The following CACNG4 variants were observed in gnomAD, a reference collection of about 807,000 sequenced individuals.
CACNG4 encodes the protein voltage-dependent calcium channel gamma-4 subunit.
CACNG4 carries 8 observed loss-of-function variants against 22.9 expected under a neutral mutation model. That is an observed-to-expected ratio of 0.35 (90% CI 0.21 to 0.63). CACNG4 has a LOEUF of 0.63. CACNG4 is among the 30% of genes least tolerant of loss of function. The pLI, the probability that CACNG4 is intolerant of heterozygous loss-of-function variation, is 0.72. For missense variants in CACNG4, 357 were observed against 455.4 expected (o/e 0.78, Z 1.97); for synonymous variants, 188 against 191.9 (o/e 0.98, Z 0.17).
At chr17:66,990,037 G>A (rs2035329469) in intron 1 of CACNG4, among the ~76,000 whole-genome samples, 1 of 152,198 alleles carries the variant, frequency 6.6e-6, no homozygotes, top group Admixed American at 6.5e-5. Context: ...AAACAACACA[G>A]ATTTATTATC....
In CACNG4 at chr17:67,031,230, A is replaced by AG. The variant is rs1479120508; in HGVS notation, c.*229dup. 5.1e-5 allele frequency: 33 copies of AG among 647,386 alleles called. No individual in the cohort carries two copies. Among genetic ancestry groups the AG allele is most frequent in the African/African-American group, 4.5e-4 (25 of 55,358 alleles). 40.1% of individuals were successfully genotyped at this position (647,386 alleles called of 1,614,324 possible). A position where few individuals can be genotyped will look rare whatever the true frequency, so the allele number is the denominator to read the frequency against. ...GCTGACTTTGTCCCCTCCCCGAAAA[A>AG]GGGTGTTTTGATGCCTCAGGGTCTC... On this transcript the variant is annotated 3_prime_UTR_variant, in exon 4 of 4. Transcript: ENST00000262138. This position sits in a 1 kb window ranked among gnomAD's most constrained non-coding sequence, Gnocchi z 4.0.
intron 1 of CACNG4, among the ~76,000 whole-genome samples, chr17:67,010,998 C>G (rs1376149873): frequency 6.6e-6 from 1 of 152,222 alleles, no homozygotes; most frequent in East Asian, 1.9e-4. Context: ...TCACAGCATA[C>G]AGTCCAGGGA....
chr17:66,981,662 G>A (rs952260767), intron 1 of CACNG4, among the ~76,000 whole-genome samples: 3 of 152,244 alleles, frequency 2.0e-5, no homozygotes, highest in African/African-American at 4.8e-5. Flanking sequence ...AGGCGAGCCC[G>A]GCAAGGTCCC....
chr17:67,020,002 C>A, intron 2 of CACNG4: 1 of 152,402 alleles, frequency 6.6e-6, no homozygotes, highest in Non-Finnish European at 1.5e-5. Flanking sequence ...CCCACAAGGG[C>A]TGGAGAGCAC....
intron 1 of CACNG4, among the ~76,000 whole-genome samples, chr17:67,014,280 T>C (rs931200875): frequency 8.5e-5 from 13 of 152,226 alleles, no homozygotes; most frequent in Admixed American, 6.5e-5. Context: ...TCTTTCTTAC[T>C]CCTTGCATCA....
At chr17:67,004,007 C>G (rs1223652271) in intron 1 of CACNG4, among the ~76,000 whole-genome samples, 1 of 152,218 alleles carries the variant, frequency 6.6e-6, no homozygotes, top group Non-Finnish European at 1.5e-5. Flanking sequence ...AATTAAAACT[C>G]TCAGGTTATT....
chr17:67,008,235 G>A (rs1014584362), intron 1 of CACNG4, among the ~76,000 whole-genome samples: 2 of 152,198 alleles, frequency 1.3e-5, no homozygotes, highest in Non-Finnish European at 2.9e-5. Flanking sequence ...GAGAAAGCCT[G>A]AACCAGCCCA....
chr17:67,026,468 AG>A, intron 3 of CACNG4, among the ~76,000 whole-genome samples: 1 of 120,594 alleles, frequency 8.3e-6, no homozygotes, highest in African/African-American at 3.9e-5. Flanking sequence ...TGTGTATTTG[AG>A]GACTGTGGGG....
chr17:67,010,167 G>C (rs1218814784), intron 1 of CACNG4, among the ~76,000 whole-genome samples: 5 of 152,200 alleles, frequency 3.3e-5, no homozygotes, highest in African/African-American at 1.2e-4. Context: ...GCCAAGCTCT[G>C]CCTTTGTCCC....
intron 1 of CACNG4, among the ~76,000 whole-genome samples, chr17:66,989,864 AAC>A: frequency 6.8e-6 from 1 of 146,026 alleles, no homozygotes; most frequent in Admixed American, 6.8e-5. Flanking sequence ...TCTCGGATGA[AAC>A]ACTTTTGTCG....
chr17:67,016,318 C>T (rs534500011), intron 1 of CACNG4, among the ~76,000 whole-genome samples: 1 of 152,328 alleles, frequency 6.6e-6, no homozygotes, highest in East Asian at 1.9e-4. Context: ...GAGACCCTCC[C>T]TCTGCCTCCC....
chr17:67,030,758 C>A lies in CACNG4; in HGVS notation c.738C>A (p.Ser246Arg), dbSNP rs989387905. 2 of 1,614,108 alleles carry A rather than the reference C, an allele frequency of 1.2e-6. No individual in the cohort carries two copies. The highest frequency in any genetic ancestry group is 1.3e-5 in the African/African-American group (1 of 74,934). The change falls in exon 4 of 4, where the codon AGC becomes AGA. Residue 246 changes from serine to arginine, a missense_variant. Ser to Arg is a moderately radical substitution (Grantham distance 110). Around this residue, in one of 3 missense-constraint regions of CACNG4, gnomAD observed 240 missense variants for 277.6 expected, o/e 0.86. Transcript: ENST00000262138. This position sits in a 1 kb window ranked among gnomAD's most constrained non-coding sequence, Gnocchi z 6.4. ...ACCGGCGACGGCGCTCGAGGTCCAG[C>A]TCAAGGTCCACCGAGGCCTCGCCCT... ...YRYRRRRSRS[S>R]SRSTEASPSR...
At chr17:66,971,119 G>A (rs2035201568) in intron 1 of CACNG4, among the ~76,000 whole-genome samples, 1 of 152,156 alleles carries the variant, frequency 6.6e-6, no homozygotes. Flanking sequence ...TGACTGTTCT[G>A]GAACACTCCT....
intron 1 of CACNG4, among the ~76,000 whole-genome samples, chr17:67,017,608 C>T (rs1218597845): frequency 4.6e-5 from 7 of 151,994 alleles, no homozygotes. Flanking sequence ...ACCTCTGCCT[C>T]CCGGGTTCAA....
intron 1 of CACNG4, among the ~76,000 whole-genome samples, chr17:67,002,632 C>CTCTA (rs1057131854): frequency 2.6e-5 from 4 of 151,910 alleles, no homozygotes; most frequent in African/African-American, 9.7e-5. Flanking sequence ...CTCTCTCTCT[C>CTCTA]TCTCTCTCTC....
chr17:67,006,227 G>A (rs1157088529), intron 1 of CACNG4, among the ~76,000 whole-genome samples: 1 of 152,194 alleles, frequency 6.6e-6, no homozygotes, highest in Non-Finnish European at 1.5e-5. Flanking sequence ...GCCCCAGGGT[G>A]GGATCCAAAA....
intron 1 of CACNG4, among the ~76,000 whole-genome samples, chr17:66,969,699 G>A (rs867325353): frequency 3.9e-5 from 6 of 152,172 alleles, no homozygotes; most frequent in South Asian, 2.1e-4. Context: ...CCCGAGCCCC[G>A]CCCAGGTGCC....
intron 1 of CACNG4, among the ~76,000 whole-genome samples, chr17:66,977,065 G>A (rs1382102236): frequency 3.3e-5 from 5 of 151,902 alleles, no homozygotes; most frequent in East Asian, 3.9e-4. Flanking sequence ...TCCGACACAC[G>A]CCCACTGCCT....
intron 1 of CACNG4, among the ~76,000 whole-genome samples, chr17:66,976,704 G>T (rs2035238594): frequency 6.6e-6 from 1 of 150,968 alleles, no homozygotes; most frequent in South Asian, 2.1e-4. Context: ...GGATGTTTGT[G>T]AAAGTGCTGT....
Sources: allele counts gnomAD v4.1 joint callset (sites outside exome capture counted in the v4.1 genomes callset), GRCh38; gene constraint gnomAD v4.1.1; regional missense constraint gnomAD v4.1.1; non-coding constraint Gnocchi (gnomAD v3.1); transcripts MANE v1.5; gene names NCBI Gene and HGNC (gene_info 2026-07-23, HGNC 2026-07-21).